The following DDIAS variants were observed in gnomAD, a reference collection of about 807,000 sequenced individuals.
DDIAS encodes the protein DNA damage-induced apoptosis suppressor protein.
A neutral mutation model predicts 15.7 loss-of-function variants in DDIAS; 14 were observed. That is an observed-to-expected ratio of 0.89 (90% CI 0.59 to 1.39). The LOEUF is 1.39. Among genes scored for constraint, DDIAS ranks in the 40% most tolerant of loss-of-function variants. DDIAS has a pLI of 0.00. For synonymous variants in DDIAS, 355 were observed against 395.9 expected (o/e 0.90, Z 1.23); for missense variants, 1,035 against 1,130.9 (o/e 0.92, Z 1.22).
At position 82,933,098 on chromosome 11, in the gene DDIAS, A is replaced by T. The variant is rs758448444; in HGVS notation, c.1760A>T (p.Glu587Val). ...GGATGTGGAGAAATATCAGTTTCAGAAATGAATGAAAAGTTGACAACTCTG... is the reference window on the plus strand; with the variant it reads ...GGATGTGGAGAAATATCAGTTTCAGTAATGAATGAAAAGTTGACAACTCTG... ...LNGCGEISVS[E>V]MNEKLTTLCY... The change falls in exon 6 of 6, where the codon GAA (glutamate) becomes GTA (valine). Residue 587 changes from glutamate (E) to valine (V), a missense_variant. Physicochemically the swap from Glu to Val is moderately radical, Grantham distance 121 (BLOSUM62 -2). Transcript: ENST00000533655. 1.8e-5 allele frequency: 29 copies of T among 1,602,288 alleles called. No homozygotes were observed. Among genetic ancestry groups the T allele is most frequent in the Non-Finnish European group, 2.5e-5 (29 of 1,178,462 alleles).
rs201199212 is a variant in DDIAS, at chr11:82,932,349, T to C, written c.1011T>C (p.Ser337=). ...ATCATGAAATTGGAGTTAATGACTC[T>C]AATTTATTCTCTTTGGAAATGCGAG... The part of the protein sequence containing the change: ...SSHHEIGVND[S]NLFSLEMREP... Residue 337 remains serine, a synonymous_variant, in exon 6 of 6, where the codon TCT becomes TCC. Transcript: ENST00000533655. 2.0e-4 allele frequency: 325 copies of C among 1,613,910 alleles called. No individual in the cohort carries two copies. Among genetic ancestry groups the C allele is most frequent in the Non-Finnish European group, 2.7e-4 (322 of 1,179,868 alleles).
intron 1 of DDIAS, among the ~76,000 whole-genome samples, chr11:82,907,191 A>C (rs1157256634): frequency 6.6e-6 from 1 of 152,244 alleles, no homozygotes; most frequent in African/African-American, 2.4e-5. Context: ...AAGGCATAGA[A>C]ATGTGAAACA....
rs1860928682 is a variant in DDIAS, at chr11:82,929,020, T to G, written c.275+82T>G. 4 of 1,456,930 alleles carry G rather than the reference T, an allele frequency of 2.7e-6. No homozygotes were observed. In the African/African-American group the frequency reaches 4.3e-5, roughly 16 times the overall value. 90.3% of individuals were successfully genotyped at this position (1,456,930 alleles called of 1,614,324 possible). On this transcript the variant is annotated intron_variant, in intron 4 of 5. Transcript: ENST00000533655. ...GTTTATAAGGCAATATGCATTTTTG[T>G]AGAAAGATAATCATTCAACCCCAGA... is the stretch of plus-strand genomic sequence containing the variant.
At chr11:82,902,283 C>A (rs999246074) in intron 1 of DDIAS, among the ~76,000 whole-genome samples, 1 of 152,146 alleles carries the variant, frequency 6.6e-6, no homozygotes, top group African/African-American at 2.4e-5. Flanking sequence ...TCCAGCCAGT[C>A]CCTACCAGCC....
intron 5 of DDIAS, among the ~76,000 whole-genome samples, chr11:82,930,940 G>A (rs769000896): frequency 1.4e-4 from 22 of 152,064 alleles, no homozygotes; most frequent in Non-Finnish European, 1.8e-4. Flanking sequence ...TGTTAAAATC[G>A]TAGACAGTCC....
At chr11:82,927,413 A>G (rs1219564520) in intron 3 of DDIAS, among the ~76,000 whole-genome samples, 2 of 152,198 alleles carry the variant, frequency 1.3e-5, no homozygotes, top group African/African-American at 4.8e-5. Context: ...GAAGAATAAC[A>G]GCACAGATCT....
In DDIAS at chr11:82,931,737, T is replaced by C. The variant is rs776848912; in HGVS notation, c.399T>C (p.Phe133=). The C allele has an allele frequency of 1.3e-5, 20 of 1,570,760 alleles. No individual in the cohort carries two copies. Among genetic ancestry groups the C allele is most frequent in the Non-Finnish European group, 3.4e-6 (4 of 1,163,802 alleles). ...GQSFIFGVTN[F]ENQPGQGSDA... The stretch of plus-strand genomic sequence containing the variant: ...TTTCTTTGCTTCTTTCACAGAATTT[T>C]GAAAACCAACCTGGACAAGGTTCAG... The change falls in exon 6 of 6, where the codon TTT becomes TTC. Residue 133 remains phenylalanine (F), a synonymous_variant. Coordinates refer to ENST00000533655, the MANE Select transcript of DDIAS (RefSeq NM_145018.4).
chr11:82,916,680 ATTAGTGAGTGT>A (rs1037460200), intron 3 of DDIAS, among the ~76,000 whole-genome samples: 6 of 152,342 alleles, frequency 3.9e-5, no homozygotes, highest in South Asian at 2.1e-4. Flanking sequence ...AGTAGATAAC[ATTAGTGAGTGT>A]TTGCTGTACA....
chr11:82,910,344 G>A (rs993513128), intron 1 of DDIAS, among the ~76,000 whole-genome samples: 12 of 144,956 alleles, frequency 8.3e-5, no homozygotes, highest in Non-Finnish European at 1.5e-4. Context: ...GCAGTGGCAT[G>A]ATCTCGGCTC....
Position 82,934,292 on chromosome 11 carries a change from T to C in DDIAS, c.2954T>C (p.Val985Ala). 6.2e-7 allele frequency: 1 copy of C among 1,605,006 alleles called. No individual in the cohort carries two copies. The highest frequency in any genetic ancestry group is 8.5e-7 in the Non-Finnish European group (1 of 1,177,608). The change falls in exon 6 of 6, where the codon GTG becomes GCG. Residue 985 changes from valine to alanine, a missense_variant. Transcript: ENST00000533655. ...LPFSEKGPPS[V>A]CETRSAWSPE... ...TTTTCAGAAAAAGGCCCACCTTCAGTGTGTGAAACTCGAAGTGCTTGGTCA... is the reference window on the plus strand; with the variant it reads ...TTTTCAGAAAAAGGCCCACCTTCAGCGTGTGAAACTCGAAGTGCTTGGTCA...
At chr11:82,928,319 C>T (rs1860911508) in intron 3 of DDIAS, among the ~76,000 whole-genome samples, 1 of 150,394 alleles carries the variant, frequency 6.6e-6, no homozygotes, top group Admixed American at 6.7e-5. Context: ...CTGCCTCAGC[C>T]TCCCAAGTAG....
At chr11:82,916,916 A>G (rs1031161277) in intron 3 of DDIAS, among the ~76,000 whole-genome samples, 2 of 152,194 alleles carry the variant, frequency 1.3e-5, no homozygotes, top group Non-Finnish European at 2.9e-5. Flanking sequence ...CATAGTCACC[A>G]TATTACTTCC....
At chr11:82,928,392 G>A (rs1387742023) in intron 3 of DDIAS, among the ~76,000 whole-genome samples, 3 of 151,276 alleles carry the variant, frequency 2.0e-5, no homozygotes, top group African/African-American at 7.3e-5. Context: ...GTAGAGACAG[G>A]GTTTTACCGT....
At chr11:82,925,913 A>G (rs1860851328) in intron 3 of DDIAS, among the ~76,000 whole-genome samples, 1 of 150,990 alleles carries the variant, frequency 6.6e-6, no homozygotes, top group Non-Finnish European at 1.5e-5. Context: ...GCCTGAACCC[A>G]AGAGGTGGAG....
At position 82,932,856 on chromosome 11, in the gene DDIAS, T is replaced by C. The variant is rs773444055; in HGVS notation, c.1518T>C (p.Ser506=). 4 of 1,613,364 alleles carry C rather than the reference T, an allele frequency of 2.5e-6. No homozygotes were observed. In the Admixed American group the frequency reaches 6.7e-5, roughly 27 times the overall value. The change falls in exon 6 of 6, where the codon AGT becomes AGC. Residue 506 remains serine (S), a synonymous_variant. Transcript: ENST00000533655. The part of the protein sequence containing the change: ...LFNCKGNLSP[S]VEKESQPDNK... ...ACTGTAAAGGAAATCTAAGTCCTAG[T>C]GTTGAAAAGGAGTCACAACCAGATA... is the stretch of plus-strand genomic sequence containing the variant.
Position 82,907,769 on chromosome 11 carries a change from G to A in DDIAS, c.-116-5518G>A, listed in dbSNP as rs191510758. Among the ~76,000 whole-genome samples the A allele has an allele frequency of 2.6e-3, 397 of 152,224 alleles. 4 individuals carry two copies. The highest frequency in any genetic ancestry group is 9.2e-3 in the African/African-American group (384 of 41,532). On this transcript the variant is annotated intron_variant, in intron 1 of 5. Coordinates refer to ENST00000533655, the MANE Select transcript of DDIAS (RefSeq NM_145018.4). ...TTGCCCATGCTGGTCTCAAACTGGT[G>A]GGCTCAAGCAATCCTCCCACCTTGG...
intron 1 of DDIAS, among the ~76,000 whole-genome samples, chr11:82,905,022 G>A (rs1860398788): frequency 2.6e-5 from 4 of 152,200 alleles, no homozygotes; most frequent in African/African-American, 7.2e-5. Context: ...TTGGATTACA[G>A]TTCAGCTCCC....
intron 4 of DDIAS, among the ~76,000 whole-genome samples, chr11:82,929,562 G>A (rs1406066622): frequency 2.0e-5 from 3 of 152,094 alleles, no homozygotes; most frequent in Admixed American, 1.3e-4. Context: ...AATTAGCTGG[G>A]CATGGTGGTG....
chr11:82,927,614 G>A (rs1860888936), intron 3 of DDIAS, among the ~76,000 whole-genome samples: 1 of 133,900 alleles, frequency 7.5e-6, no homozygotes, highest in Non-Finnish European at 1.6e-5. Flanking sequence ...AATGTTTTTA[G>A]GTGCTTGTTG....
Sources: gnomAD v4.1 joint callset for allele counts (sites outside exome capture counted in the v4.1 genomes callset) on GRCh38, gnomAD v4.1.1 for gene constraint, MANE v1.5 for transcripts, NCBI Gene and HGNC (gene_info 2026-07-23, HGNC 2026-07-21) for gene names.